Variants in BNC2 observed in about 807,000 individuals in gnomAD.
The protein encoded by BNC2 is basonuclin zinc finger protein 2.
Under a neutral mutation model 76.3 loss-of-function variants are expected in BNC2, and 20 were observed. The observed-to-expected ratio is 0.26, with a 90% CI of 0.18 to 0.38. The LOEUF (loss-of-function observed/expected upper bound fraction) is 0.38. BNC2 is among the 10% of genes least tolerant of loss of function. The pLI is 1.00. For missense variants in BNC2, 1,382 were observed against 1,399.8 expected (o/e 0.99, Z 0.20); for synonymous variants, 582 against 514.8 (o/e 1.13, Z -1.77).
chr9:16,589,977 A>G (rs1179727409), intron 3 of BNC2, among the ~76,000 whole-genome samples: 2 of 152,054 alleles, frequency 1.3e-5, no homozygotes, highest in African/African-American at 4.8e-5. Flanking sequence ...ATAAGCAGCC[A>G]CTCAGGTGTG....
At chr9:16,519,918 A>G (rs557590316) in intron 5 of BNC2, among the ~76,000 whole-genome samples, 1 of 152,340 alleles carries the variant, frequency 6.6e-6, no homozygotes, top group Admixed American at 6.5e-5. Context: ...CATACCCACG[A>G]GACAGTCAAC....
At chr9:16,662,326 A>T (rs575152705) in intron 3 of BNC2, among the ~76,000 whole-genome samples, 7 of 152,302 alleles carry the variant, frequency 4.6e-5, no homozygotes, top group Admixed American at 1.3e-4. Flanking sequence ...ACTCTACACT[A>T]ATTACACCAC....
At chr9:16,741,571 A>G (rs77951592) in intron 1 of BNC2, among the ~76,000 whole-genome samples, 1 of 152,242 alleles carries the variant, frequency 6.6e-6, no homozygotes, top group Non-Finnish European at 1.5e-5. Flanking sequence ...GACTGGGTCC[A>G]AGAAAGTATA....
chr9:16,687,726 CTTAAGA>C (rs1456702048), intron 3 of BNC2, among the ~76,000 whole-genome samples: 1 of 152,160 alleles, frequency 6.6e-6, no homozygotes, highest in Non-Finnish European at 1.5e-5. Flanking sequence ...TGCTACTTAC[CTTAAGA>C]TTATTTGACC....
chr9:16,853,776 G>A (rs1391493720), intron 1 of BNC2, among the ~76,000 whole-genome samples: 1 of 152,008 alleles, frequency 6.6e-6, no homozygotes, highest in Non-Finnish European at 1.5e-5. Context: ...GGTGAGGCAG[G>A]AGAACTGCTT....
At chr9:16,468,771 G>A (rs1008598197) in intron 5 of BNC2, among the ~76,000 whole-genome samples, 1 of 152,112 alleles carries the variant, frequency 6.6e-6, no homozygotes, top group Non-Finnish European at 1.5e-5. Context: ...AGGTTTAAGA[G>A]GCTTAAAAGT....
chr9:16,444,341 C>G lies in BNC2; in HGVS notation c.670-6817G>C, dbSNP rs539963834. ...GTGTGTAATCATAAAACTATGGAGA[C>G]TACCTCCCTACAGAGCTAACACCAA... On this transcript the variant is annotated intron_variant, in intron 5 of 6. Coordinates refer to ENST00000380672, the MANE Select transcript of BNC2 (RefSeq NM_017637.6). 1.1e-3 allele frequency among the ~76,000 whole-genome samples: 172 copies of G among 152,224 alleles called. 1 individual carries two copies. The highest frequency in any genetic ancestry group is 4.0e-3 in the African/African-American group (166 of 41,548).
chr9:16,587,577 C>G (rs1315105593), intron 3 of BNC2, among the ~76,000 whole-genome samples: 1 of 152,078 alleles, frequency 6.6e-6, no homozygotes, highest in African/African-American at 2.4e-5. Context: ...CTCTCCCCAT[C>G]TGCATGAACA....
intron 1 of BNC2, among the ~76,000 whole-genome samples, chr9:16,741,254 G>C (rs1328074885): frequency 1.3e-5 from 2 of 152,106 alleles, no homozygotes; most frequent in African/African-American, 4.8e-5. Context: ...AGGAGTTCGA[G>C]ACCAGCCTGA....
chr9:16,740,145 G>C (rs111389932), intron 1 of BNC2, among the ~76,000 whole-genome samples: 99 of 152,334 alleles, frequency 6.5e-4, no homozygotes, highest in African/African-American at 2.4e-3. Flanking sequence ...GAAAACAGTT[G>C]ACAGAAGATA....
chr9:16,817,675 C>A (rs769097972), intron 1 of BNC2, among the ~76,000 whole-genome samples: 18 of 152,146 alleles, frequency 1.2e-4, no homozygotes, highest in Non-Finnish European at 1.9e-4. Flanking sequence ...TTTAACGTGC[C>A]TTAAACAAAT....
At chr9:16,608,489 T>C (rs1274188191) in intron 3 of BNC2, among the ~76,000 whole-genome samples, 3 of 152,150 alleles carry the variant, frequency 2.0e-5, no homozygotes, top group Non-Finnish European at 4.4e-5. Context: ...AAAATAAGCA[T>C]TTAAAAATAA....
chr9:16,537,364 A>G (rs995028146), intron 5 of BNC2, among the ~76,000 whole-genome samples: 1 of 152,152 alleles, frequency 6.6e-6, no homozygotes, highest in Non-Finnish European at 1.5e-5. Context: ...AAGTATTCTT[A>G]AAAACCACAT....
chr9:16,686,217 T>A (rs1050449969), intron 3 of BNC2, among the ~76,000 whole-genome samples: 2 of 152,172 alleles, frequency 1.3e-5, no homozygotes, highest in African/African-American at 2.4e-5. Flanking sequence ...CTTAAAAACC[T>A]TGTTTTATGT....
At chr9:16,743,990 G>A (rs969458707) in intron 1 of BNC2, among the ~76,000 whole-genome samples, 8 of 97,842 alleles carry the variant, frequency 8.2e-5, no homozygotes, top group Admixed American at 2.1e-4. Context: ...GTTTGGAGAC[G>A]GAGTCTCGCT....
In BNC2 at chr9:16,412,753, GAGAGA is replaced by G. The variant is rs1820496258; in HGVS notation, c.*6231_*6235del. ...AGAGAGAGAGAGAGAGAGAGAGAGAGAGAGAGAGAGAGACTGACTGATTGTGGATG... is the reference window on the plus strand; with the variant it reads ...AGAGAGAGAGAGAGAGAGAGAGAGAGGAGAGAGACTGACTGATTGTGGATG... On this transcript the variant is annotated 3_prime_UTR_variant, in exon 7 of 7. Coordinates refer to ENST00000380672, the MANE Select transcript of BNC2 (RefSeq NM_017637.6). 6.7e-6 allele frequency: 1 copy of G among 148,958 alleles called. No individual in the cohort carries two copies. Among genetic ancestry groups the G allele is most frequent in the African/African-American group, 2.6e-5 (1 of 38,642 alleles). 9.2% of individuals were successfully genotyped at this position (148,958 alleles called of 1,614,324 possible). A position where few individuals can be genotyped will look rare whatever the true frequency, so the allele number is the denominator to read the frequency against.
intron 3 of BNC2, among the ~76,000 whole-genome samples, chr9:16,716,060 T>C (rs72706032): frequency 7.5e-4 from 114 of 152,282 alleles, no homozygotes; most frequent in African/African-American, 2.5e-3. Flanking sequence ...AATCTTTACA[T>C]TGGTTTTCAA....
chr9:16,784,641 A>C (rs943403735), intron 1 of BNC2, among the ~76,000 whole-genome samples: 2 of 152,228 alleles, frequency 1.3e-5, no homozygotes, highest in Admixed American at 6.5e-5. Context: ...GGGGCTGAGC[A>C]CTGGCAAAGT....
At chr9:16,635,347 TTTTG>T (rs1159182686) in intron 3 of BNC2, among the ~76,000 whole-genome samples, 6 of 152,256 alleles carry the variant, frequency 3.9e-5, no homozygotes, top group African/African-American at 7.2e-5. Context: ...AAATTACTGA[TTTTG>T]TTTATTTACT....
Sources: allele counts gnomAD v4.1 joint callset (sites outside exome capture counted in the v4.1 genomes callset), GRCh38; gene constraint gnomAD v4.1.1; transcripts MANE v1.5; gene names NCBI Gene and HGNC (gene_info 2026-07-23, HGNC 2026-07-21).